The following NRXN1 variants were observed in gnomAD, a reference collection of about 807,000 sequenced individuals.
NRXN1 encodes neurexin-1.
In NRXN1, 39 loss-of-function variants were observed where a neutral mutation model predicts 150.9. That is an observed-to-expected ratio of 0.26 (90% CI 0.20 to 0.34). NRXN1 has a LOEUF of 0.34. Ranked by LOEUF, NRXN1 falls within the 10% of genes least tolerant of loss-of-function variation. NRXN1 has a pLI of 1.00. For missense variants in NRXN1, 1,815 were observed against 1,949.9 expected (o/e 0.93, Z 1.30); for synonymous variants, 924 against 757.0 (o/e 1.22, Z -3.62).
At chr2:50,144,646 G>C (rs923739487) in intron 18 of NRXN1, among the ~76,000 whole-genome samples, 4 of 151,802 alleles carry the variant, frequency 2.6e-5, no homozygotes, top group African/African-American at 7.3e-5. Context: ...ATGTATATAT[G>C]TATGTATGTA....
At chr2:50,160,016 A>C (rs2059265506) in intron 18 of NRXN1, among the ~76,000 whole-genome samples, 1 of 152,142 alleles carries the variant, frequency 6.6e-6, no homozygotes, top group Admixed American at 6.6e-5. Context: ...AAAATATGAT[A>C]TGTGAGGAAG....
intron 5 of NRXN1, among the ~76,000 whole-genome samples, chr2:50,841,926 C>A (rs1672937296): frequency 1.3e-5 from 2 of 152,138 alleles, no homozygotes; most frequent in Non-Finnish European, 2.9e-5. Flanking sequence ...TTGGAAGGAA[C>A]AAAGTCTGTG....
At chr2:50,301,847 G>C (rs2152955135) in intron 17 of NRXN1, among the ~76,000 whole-genome samples, 1 of 152,288 alleles carries the variant, frequency 6.6e-6, no homozygotes, top group African/African-American at 2.4e-5. Flanking sequence ...CAAATGTTTG[G>C]TGACAGTGGA....
At chr2:50,698,132 G>A (rs1693200097) in intron 5 of NRXN1, among the ~76,000 whole-genome samples, 1 of 152,196 alleles carries the variant, frequency 6.6e-6, no homozygotes, top group Non-Finnish European at 1.5e-5. Flanking sequence ...CAGGGTCATG[G>A]TCTTGTTTGT....
chr2:50,743,152 T>G (rs1421037554), intron 5 of NRXN1, among the ~76,000 whole-genome samples: 3 of 152,208 alleles, frequency 2.0e-5, no homozygotes, highest in African/African-American at 7.2e-5. Flanking sequence ...AAAATTTGAT[T>G]TTACTTTTGC....
intron 5 of NRXN1, among the ~76,000 whole-genome samples, chr2:50,637,774 A>T (rs1235798627): frequency 2.0e-5 from 3 of 152,152 alleles, no homozygotes; most frequent in African/African-American, 7.2e-5. Context: ...AGGGGACAAG[A>T]TTATAAAGCA....
chr2:50,608,689 G>C (rs553993981), intron 8 of NRXN1, among the ~76,000 whole-genome samples: 2 of 152,146 alleles, frequency 1.3e-5, no homozygotes, highest in Non-Finnish European at 2.9e-5. Context: ...TTATAGCCTG[G>C]ATACCTTGGG....
At chr2:50,859,376 T>C (rs1675760588) in intron 5 of NRXN1, among the ~76,000 whole-genome samples, 1 of 151,964 alleles carries the variant, frequency 6.6e-6, no homozygotes, top group South Asian at 2.1e-4. Context: ...TATTTAAGTG[T>C]CAATGTAAAG....
intron 15 of NRXN1, among the ~76,000 whole-genome samples, chr2:50,486,916 G>C (rs143044464): frequency 2.9e-3 from 443 of 152,180 alleles, no homozygotes; most frequent in African/African-American, 9.8e-3. Context: ...CTTGTGTATT[G>C]TTCTGGGAAT....
At chr2:50,954,235 T>C (rs1325302043) in intron 2 of NRXN1, among the ~76,000 whole-genome samples, 1 of 152,210 alleles carries the variant, frequency 6.6e-6, no homozygotes, top group Non-Finnish European at 1.5e-5. Context: ...CAAATGAAAG[T>C]CAAACAGTAT....
chr2:50,756,077 T>C (rs1015620558), intron 5 of NRXN1, among the ~76,000 whole-genome samples: 3 of 151,792 alleles, frequency 2.0e-5, no homozygotes, highest in East Asian at 3.9e-4. Flanking sequence ...CTGAGCAGAA[T>C]TGCAGGTGGA....
chr2:50,655,473 C>A (rs1451015549), intron 5 of NRXN1, among the ~76,000 whole-genome samples: 2 of 151,920 alleles, frequency 1.3e-5, no homozygotes, highest in African/African-American at 4.8e-5. Flanking sequence ...CTGACCCAGT[C>A]CAATCTGACA....
intron 19 of NRXN1, among the ~76,000 whole-genome samples, chr2:50,076,066 C>G (rs1489902926): frequency 2.0e-5 from 3 of 152,216 alleles, no homozygotes; most frequent in Non-Finnish European, 4.4e-5. Context: ...GAACACCATT[C>G]TGTTTTCTAA....
Position 50,236,789 on chromosome 2 carries a change from T to C in NRXN1, c.3546A>G (p.Ile1182Met), listed in dbSNP as rs1559145295. Residue 1182 changes from isoleucine (I) to methionine (M), a missense_variant and splice_region_variant, in exon 18 of 23, where the codon ATA (isoleucine) becomes ATG (methionine). By Grantham distance (10) the Ile-to-Met change is conservative. This residue lies in a region of NRXN1 where 339 missense variants were observed against 440.3 expected (regional missense o/e 0.77). Coordinates refer to ENST00000401669, the MANE Select transcript of NRXN1 (RefSeq NM_001330078.2). Reference protein sequence around the residue: ...SGLGDYLELHIHQGKIGVKFN... With the variant: ...SGLGDYLELHMHQGKIGVKFN... ...TGAATCTTATGCAAAAAGTACTTAC[T>C]ATATGCAGTTCTAGGTAGTCACCCA... 3 of 1,612,646 alleles carry C rather than the reference T, an allele frequency of 1.9e-6. No individual in the cohort carries two copies. Among genetic ancestry groups the C allele is most frequent in the South Asian group, 1.1e-5 (1 of 91,070 alleles).
intron 5 of NRXN1, among the ~76,000 whole-genome samples, chr2:50,896,393 T>C (rs1393727011): frequency 2.6e-5 from 4 of 152,188 alleles, no homozygotes; most frequent in Admixed American, 2.6e-4. Context: ...TTGTGGGGCT[T>C]ATACTCTGCA....
At chr2:49,958,494 T>C (rs1675365380) in intron 21 of NRXN1, among the ~76,000 whole-genome samples, 1 of 152,168 alleles carries the variant, frequency 6.6e-6, no homozygotes, top group Non-Finnish European at 1.5e-5. Context: ...GGGTTTGTCC[T>C]TTTCCTTCCC....
chr2:50,119,357 G>A (rs1055380383), intron 18 of NRXN1, among the ~76,000 whole-genome samples: 1 of 152,048 alleles, frequency 6.6e-6, no homozygotes, highest in African/African-American at 2.4e-5. Flanking sequence ...AAACACCTTA[G>A]GGTCTTTTTT....
chr2:50,888,192 C>G (rs953406702), intron 5 of NRXN1, among the ~76,000 whole-genome samples: 1 of 151,310 alleles, frequency 6.6e-6, no homozygotes, highest in African/African-American at 2.4e-5. Flanking sequence ...CAATACTAAC[C>G]CCAAACATTA....
intron 5 of NRXN1, chr2:50,624,904 G>A (rs1035070346): frequency 6.6e-6 from 1 of 152,052 alleles, no homozygotes; most frequent in Non-Finnish European, 1.5e-5. Flanking sequence ...CACTGATGAG[G>A]TGAGTTGAAC....
Sources: allele counts gnomAD v4.1 joint callset (sites outside exome capture counted in the v4.1 genomes callset), GRCh38; gene constraint gnomAD v4.1.1; regional missense constraint gnomAD v4.1.1; transcripts MANE v1.5; gene names NCBI Gene and HGNC (gene_info 2026-07-23, HGNC 2026-07-21).